Variants in CPA3 observed in about 807,000 individuals in gnomAD.
CPA3 encodes the protein carboxypeptidase A3.
CPA3 carries 52 observed loss-of-function variants against 55.8 expected under a neutral mutation model. The ratio of observed to expected loss-of-function variants is 0.93; its 90% CI spans 0.75 to 1.17. The LOEUF is 1.17. Ranked by LOEUF, CPA3 falls within the 50% of genes most tolerant of loss-of-function variation. The pLI, the probability that CPA3 is intolerant of heterozygous loss-of-function variation, is 0.00. For missense variants in CPA3, 547 were observed against 509.1 expected (o/e 1.07, Z -0.72); for synonymous variants, 179 against 171.2 (o/e 1.05, Z -0.36).
rs1714755633 is a variant in CPA3, at chr3:148,894,079, A to G, written c.1067-2441A>G. ...AAAAGGCTTGGAACTGCAGAGAGGA[A>G]GGAAGAAAAATGGATTCAGTATAAA... On this transcript the variant is annotated intron_variant, in intron 10 of 10. Transcript: ENST00000296046. Among the ~76,000 whole-genome samples the G allele has an allele frequency of 2.0e-5, 3 of 152,248 alleles. No homozygotes were observed. In the South Asian group the frequency reaches 6.2e-4, roughly 31 times the overall value.
chr3:148,865,445 T>C (rs760095645), intron 1 of CPA3, 28 bp from the exon 2 acceptor site: 3 of 1,187,282 alleles, frequency 2.5e-6, no homozygotes, highest in South Asian at 1.5e-5. Context: ...TACAGTTCAC[T>C]TTTTTTTTTT....
At chr3:148,890,779 C>A (rs914148298) in intron 10 of CPA3, among the ~76,000 whole-genome samples, 1 of 152,152 alleles carries the variant, frequency 6.6e-6, no homozygotes, top group Non-Finnish European at 1.5e-5. Context: ...AAGTCACCAA[C>A]GTCACTTTAT....
intron 8 of CPA3, 78 bp from the exon 9 acceptor site, chr3:148,883,535 T>A: frequency 8.6e-7 from 1 of 1,165,228 alleles, no homozygotes; most frequent in Non-Finnish European, 1.3e-6. Context: ...ATTCTGTGAA[T>A]CTATAATACA....
Position 148,896,841 on chromosome 3 carries a change from T to TA in CPA3, c.*135dup. On this transcript the variant is annotated 3_prime_UTR_variant, in exon 11 of 11. Coordinates refer to ENST00000296046, the MANE Select transcript of CPA3 (RefSeq NM_001870.4). ...TCTCTTGCTCATTTAAGTCCCATGT[T>TA]ACTGCTGTTTGCTTTTACTTACTTT... 1.4e-6 allele frequency: 1 copy of TA among 710,236 alleles called. No individual in the cohort carries two copies. Among genetic ancestry groups the TA allele is most frequent in the East Asian group, 2.7e-5 (1 of 36,730 alleles). The allele number at this position is 710,236 out of a possible 1,614,324, so 44.0% of individuals were successfully genotyped here.
intron 6 of CPA3, among the ~76,000 whole-genome samples, chr3:148,880,181 C>T (rs1389466993): frequency 1.3e-5 from 2 of 152,122 alleles, no homozygotes; most frequent in African/African-American, 2.4e-5. Context: ...TCTGAAACAA[C>T]CTTCACATAA....
At chr3:148,884,868 C>CAAA (rs34016348) in intron 9 of CPA3, among the ~76,000 whole-genome samples, 2 of 143,182 alleles carry the variant, frequency 1.4e-5, no homozygotes, top group Non-Finnish European at 3.1e-5. Flanking sequence ...TACATATCCA[C>CAAA]AAAAAAAAAA....
intron 10 of CPA3, 134 bp from the exon 11 acceptor site, chr3:148,896,386 A>G (rs542204040): frequency 3.1e-6 from 2 of 648,908 alleles, no homozygotes; most frequent in Admixed American, 5.8e-5. Flanking sequence ...TATTCAGACC[A>G]CTACTCTCAT....
chr3:148,867,142 C>T (rs1263410674), intron 2 of CPA3, among the ~76,000 whole-genome samples: 1 of 152,204 alleles, frequency 6.6e-6, no homozygotes, highest in African/African-American at 2.4e-5. Flanking sequence ...CCTGCTCCTC[C>T]ACCTTCTTCC....
intron 3 of CPA3, among the ~76,000 whole-genome samples, chr3:148,874,296 T>C (rs1232246281): frequency 6.6e-6 from 1 of 152,212 alleles, no homozygotes; most frequent in African/African-American, 2.4e-5. Context: ...AAGCTTCCTG[T>C]GACTAATTAA....
In CPA3 at chr3:148,886,113, C is replaced by T; in HGVS notation, c.1002C>T (p.Gly334=). 6.2e-7 allele frequency: 1 copy of T among 1,613,402 alleles called. No individual in the cohort carries two copies. The highest frequency in any genetic ancestry group is 8.5e-7 in the Non-Finnish European group (1 of 1,179,600). ...TCCAGGCCAAAGTTGCAAAGATTGG[C>T]ACTGATGTTCTATCAACTCGATATG... ...HEDLAKVAKI[G]TDVLSTRYET... Residue 334 remains glycine, a synonymous_variant, in exon 10 of 11, where the codon GGC becomes GGT. Coordinates refer to ENST00000296046, the MANE Select transcript of CPA3 (RefSeq NM_001870.4).
intron 9 of CPA3, among the ~76,000 whole-genome samples, chr3:148,885,045 A>G (rs1714490942): frequency 1.3e-5 from 2 of 152,216 alleles, no homozygotes. Flanking sequence ...TCACTCTCAT[A>G]GCACAAAACA....
intron 3 of CPA3, among the ~76,000 whole-genome samples, chr3:148,874,134 G>A (rs772498050): frequency 2.0e-5 from 3 of 152,218 alleles, no homozygotes; most frequent in East Asian, 3.9e-4. Flanking sequence ...ATCTGGCACC[G>A]TTCTGATGTT....
chr3:148,882,897 C>T (rs1340965064), intron 8 of CPA3, among the ~76,000 whole-genome samples: 2 of 152,064 alleles, frequency 1.3e-5, no homozygotes, highest in African/African-American at 4.8e-5. Context: ...CCTCAGATTC[C>T]TCTGCTTCCT....
rs1334303129 is a variant in CPA3 at position 148,881,505 on chromosome 3, T to C, written c.577-17T>C. ...AAACTTCATACCAATAGCTTAATTTTTTTTCACCTCCGACAGGCAACCAAA... is the reference window on the plus strand; with the variant it reads ...AAACTTCATACCAATAGCTTAATTTCTTTTCACCTCCGACAGGCAACCAAA... On this transcript the variant is annotated splice_polypyrimidine_tract_variant and intron_variant, in intron 6 of 10. Coordinates refer to ENST00000296046, the MANE Select transcript of CPA3 (RefSeq NM_001870.4). 1 of 1,539,130 alleles carries C rather than the reference T, an allele frequency of 6.5e-7. No individual in the cohort carries two copies.
chr3:148,889,661 G>A (rs1287392430), intron 10 of CPA3, among the ~76,000 whole-genome samples: 1 of 151,940 alleles, frequency 6.6e-6, no homozygotes, highest in East Asian at 1.9e-4. Flanking sequence ...CACAAGGTGA[G>A]GAGTTTGAGA....
rs756425253 is a variant in CPA3, at chr3:148,879,867, T to A, written c.554T>A (p.Phe185Tyr). The A allele has an allele frequency of 3.7e-6, 6 of 1,612,326 alleles. No homozygotes were observed. Among genetic ancestry groups the A allele is most frequent in the Non-Finnish European group, 5.1e-6 (6 of 1,178,642 alleles). Residue 185 changes from phenylalanine (F) to tyrosine (Y), a missense_variant, in exon 6 of 11, where the codon TTC becomes TAC. By Grantham distance (22) the Phe-to-Tyr change is conservative. Transcript: ENST00000296046. ...GCACGAGAATGGGTCTCCCCAGCAT[T>A]CTGCCAGTGGTTTGTCTATCAGGTA... ...IHAREWVSPAFCQWFVYQATK... is the reference protein window; with the variant it reads ...IHAREWVSPAYCQWFVYQATK...
intron 5 of CPA3, 55 bp from the exon 6 acceptor site, chr3:148,879,733 A>T: frequency 8.6e-7 from 1 of 1,158,326 alleles, no homozygotes. Context: ...TTGGTCAACA[A>T]GGGATCAATG....
chr3:148,893,249 A>T (rs1183513015), intron 10 of CPA3, among the ~76,000 whole-genome samples: 1 of 151,762 alleles, frequency 6.6e-6, no homozygotes, highest in East Asian at 2.0e-4. Context: ...TCATTAAAAA[A>T]AAAATGCCTC....
chr3:148,885,592 A>C (rs972763514), intron 9 of CPA3, among the ~76,000 whole-genome samples: 2 of 151,592 alleles, frequency 1.3e-5, no homozygotes, highest in South Asian at 4.2e-4. Context: ...TTGTATTTTT[A>C]GTAGAGACGG....
Sources: gnomAD v4.1 joint callset for allele counts (sites outside exome capture counted in the v4.1 genomes callset) on GRCh38, gnomAD v4.1.1 for gene constraint, MANE v1.5 for transcripts, NCBI Gene and HGNC (gene_info 2026-07-23, HGNC 2026-07-21) for gene names.